Variants in DLG2 observed in about 807,000 individuals in gnomAD.
The protein encoded by DLG2 is discs large MAGUK scaffold protein 2.
A neutral mutation model predicts 132.5 loss-of-function variants in DLG2; 45 were observed. The ratio of observed to expected loss-of-function variants is 0.34; its 90% CI spans 0.27 to 0.44. The LOEUF is 0.44. Ranked by LOEUF, DLG2 falls within the 20% of genes least tolerant of loss-of-function variation. The pLI is 1.00. For synonymous variants in DLG2, 424 were observed against 419.6 expected (o/e 1.01, Z -0.13); for missense variants, 1,045 against 1,196.9 (o/e 0.87, Z 1.87).
chr11:84,501,235 T>C (rs923525331), intron 7 of DLG2, among the ~76,000 whole-genome samples: 1 of 152,240 alleles, frequency 6.6e-6, no homozygotes, highest in African/African-American at 2.4e-5. Flanking sequence ...ATACAAACGG[T>C]CACTTATTTC....
Position 84,876,335 on chromosome 11 carries a change from C to T in DLG2, c.357+235326G>A, listed in dbSNP as rs1039046336. Among the ~76,000 whole-genome samples, 109 of 152,256 alleles carry T rather than the reference C, an allele frequency of 7.2e-4. 1 individual carries two copies. The highest frequency in any genetic ancestry group is 1.8e-4 in the Non-Finnish European group (12 of 68,012). ...GTCCTAGACTTTTTTGATTGGTAGG[C>T]TATTAATTACTGCCTCAATTTCAGA... On this transcript the variant is annotated intron_variant, in intron 6 of 27. Coordinates refer to ENST00000376104, the MANE Select transcript of DLG2 (RefSeq NM_001142699.3).
intron 6 of DLG2, among the ~76,000 whole-genome samples, chr11:84,732,330 G>A (rs2063258316): frequency 6.6e-6 from 1 of 151,942 alleles, no homozygotes; most frequent in African/African-American, 2.4e-5. Context: ...TATATTTTAA[G>A]AAACTGTTAA....
chr11:84,970,465 A>C (rs972683653), intron 6 of DLG2, among the ~76,000 whole-genome samples: 3 of 152,288 alleles, frequency 2.0e-5, no homozygotes, highest in African/African-American at 4.8e-5. Context: ...GCTTATAATC[A>C]ACAACCATTT....
At chr11:84,212,090 T>C (rs919936208) in intron 8 of DLG2, among the ~76,000 whole-genome samples, 3 of 152,234 alleles carry the variant, frequency 2.0e-5, no homozygotes, top group Non-Finnish European at 4.4e-5. Flanking sequence ...TTTCTATTAC[T>C]TTCAAATGAA....
At chr11:85,100,342 G>A (rs1278889906) in intron 6 of DLG2, among the ~76,000 whole-genome samples, 1 of 151,984 alleles carries the variant, frequency 6.6e-6, no homozygotes, top group Non-Finnish European at 1.5e-5. Flanking sequence ...ACTGATTTAG[G>A]CATATTTATA....
At chr11:85,263,037 T>C (rs506966) in intron 4 of DLG2, among the ~76,000 whole-genome samples, 149,166 of 152,266 alleles carry the variant, frequency 0.98, 73,093 homozygotes, top group South Asian at 1. Flanking sequence ...ACCTGAACCA[T>C]AATTTCTCTC....
At chr11:85,222,313 A>G (rs183449943) in intron 4 of DLG2, among the ~76,000 whole-genome samples, 2 of 152,042 alleles carry the variant, frequency 1.3e-5, no homozygotes, top group Admixed American at 6.6e-5. Context: ...TAAGTCATAG[A>G]CCCATTTAGT....
At chr11:84,375,669 A>ATT (rs11371352) in intron 7 of DLG2, among the ~76,000 whole-genome samples, 3 of 147,960 alleles carry the variant, frequency 2.0e-5, no homozygotes, top group African/African-American at 7.4e-5. Context: ...CAACTGGAAT[A>ATT]TTTTTTTTTT....
chr11:84,215,956 G>C (rs2096830729), intron 8 of DLG2, among the ~76,000 whole-genome samples: 1 of 152,078 alleles, frequency 6.6e-6, no homozygotes, highest in Non-Finnish European at 1.5e-5. Flanking sequence ...GTAAGTTTTG[G>C]TTTTCTATTG....
intron 6 of DLG2, among the ~76,000 whole-genome samples, chr11:84,665,165 G>C (rs949899133): frequency 6.6e-6 from 1 of 152,072 alleles, no homozygotes; most frequent in Non-Finnish European, 1.5e-5. Context: ...AGATTTGTAA[G>C]TGCTGAAATT....
At chr11:83,991,114 G>C (rs1183551669) in intron 11 of DLG2, among the ~76,000 whole-genome samples, 1 of 152,148 alleles carries the variant, frequency 6.6e-6, no homozygotes, top group South Asian at 2.1e-4. Flanking sequence ...ATTTTAATTT[G>C]AGAGAGTAGT....
chr11:85,025,893 A>G (rs2060473366), intron 6 of DLG2, among the ~76,000 whole-genome samples: 3 of 151,906 alleles, frequency 2.0e-5, no homozygotes. Context: ...GATAATCAAT[A>G]AATGTTTTAG....
chr11:84,199,979 G>T (rs1002888055), intron 8 of DLG2, among the ~76,000 whole-genome samples: 1 of 151,948 alleles, frequency 6.6e-6, no homozygotes, highest in African/African-American at 2.4e-5. Flanking sequence ...GGAAAAGTAT[G>T]CCAAGAAATA....
intron 11 of DLG2, among the ~76,000 whole-genome samples, chr11:83,984,799 C>A (rs1004289106): frequency 4.6e-5 from 7 of 151,960 alleles, no homozygotes; most frequent in African/African-American, 1.4e-4. Flanking sequence ...ATTGGGATAT[C>A]CATTACCTTA....
chr11:85,446,978 C>T (rs182817008), intron 3 of DLG2, among the ~76,000 whole-genome samples: 67 of 152,004 alleles, frequency 4.4e-4, no homozygotes, highest in African/African-American at 1.5e-3. Flanking sequence ...GGCAATTTTA[C>T]GTTATTTAAA....
chr11:83,534,899 T>C (rs1043846911), intron 20 of DLG2, among the ~76,000 whole-genome samples: 7 of 152,214 alleles, frequency 4.6e-5, no homozygotes, highest in African/African-American at 1.7e-4. Flanking sequence ...GCCTAGATCA[T>C]GCTATTGCAC....
chr11:85,277,402 C>T (rs532209610), intron 4 of DLG2, among the ~76,000 whole-genome samples: 1 of 152,190 alleles, frequency 6.6e-6, no homozygotes, highest in African/African-American at 2.4e-5. Context: ...TTGCATCATC[C>T]AAGTAATATT....
chr11:84,402,881 C>CAAAAAAAAAAAA (rs34476380), intron 7 of DLG2, among the ~76,000 whole-genome samples: 2,096 of 73,688 alleles, frequency 0.028, 223 homozygotes, highest in African/African-American at 0.062. Flanking sequence ...AACTCCGTCT[C>CAAAAAAAAAAAA]AAAAAAAAAA....
At chr11:85,232,013 A>G (rs1191012787) in intron 4 of DLG2, among the ~76,000 whole-genome samples, 1 of 151,636 alleles carries the variant, frequency 6.6e-6, no homozygotes. Flanking sequence ...TTCTCCACAC[A>G]GTTCTCTCAT....
Sources: allele counts gnomAD v4.1 joint callset (sites outside exome capture counted in the v4.1 genomes callset), GRCh38; gene constraint gnomAD v4.1.1; transcripts MANE v1.5; gene names NCBI Gene and HGNC (gene_info 2026-07-23, HGNC 2026-07-21).